GDA: variants seen among roughly 807,000 people sequenced by gnomAD.
GDA encodes the protein guanine deaminase.
A neutral mutation model predicts 59.6 loss-of-function variants in GDA; 18 were observed. The observed-to-expected ratio is 0.30, with a 90% CI of 0.21 to 0.45. The LOEUF (loss-of-function observed/expected upper bound fraction) is 0.45. Among genes scored for constraint, GDA ranks in the 20% least tolerant of loss-of-function variants. The pLI, the probability that GDA is intolerant of heterozygous loss-of-function variation, is 1.00. For missense variants in GDA, 427 were observed against 552.3 expected (o/e 0.77, Z 2.27); for synonymous variants, 201 against 201.1 (o/e 1.00, Z 0.00).
At chr9:72,187,052 A>T (rs1357716114) in intron 1 of GDA, among the ~76,000 whole-genome samples, 1 of 152,190 alleles carries the variant, frequency 6.6e-6, no homozygotes, top group African/African-American at 2.4e-5. Context: ...TATACACTTA[A>T]TGCATATTTT....
intron 9 of GDA, among the ~76,000 whole-genome samples, chr9:72,229,580 C>T (rs758036273): frequency 6.6e-6 from 1 of 152,050 alleles, no homozygotes; most frequent in Non-Finnish European, 1.5e-5. Flanking sequence ...TACCCAAATG[C>T]TTATGGGTTG....
chr9:72,196,101 T>C (rs1371950530), intron 2 of GDA, among the ~76,000 whole-genome samples: 1 of 152,138 alleles, frequency 6.6e-6, no homozygotes, highest in Non-Finnish European at 1.5e-5. Flanking sequence ...TGTGATATTA[T>C]ATTTCATCTA....
In GDA at chr9:72,125,450, A is replaced by G. The variant is rs12684494; in HGVS notation, c.-100+10617A>G. Among the ~76,000 whole-genome samples, 7 of 149,784 alleles carry G rather than the reference A, an allele frequency of 4.7e-5. No individual in the cohort carries two copies. The East Asian group carries it at 1.4e-3, about 30-fold the overall frequency. On this transcript the variant is annotated intron_variant, in intron 1 of 13. Transcript: ENST00000545168. ...GACACACTGCAACCTTGACCTCCCC[A>G]GGCTCAAGTGATCCTCCCGCCTCAG...
chr9:72,187,255 T>C (rs900511584), intron 1 of GDA, among the ~76,000 whole-genome samples: 1 of 152,198 alleles, frequency 6.6e-6, no homozygotes, highest in East Asian at 1.9e-4. Context: ...TGTAATACTA[T>C]TAAGAGGTGG....
intron 2 of GDA, among the ~76,000 whole-genome samples, chr9:72,198,862 A>T (rs7862462): frequency 0.012 from 1,109 of 91,326 alleles, 65 homozygotes; most frequent in African/African-American, 0.041. Context: ...TATATATATA[A>T]AATTTTTTTT....
intron 1 of GDA, among the ~76,000 whole-genome samples, chr9:72,125,104 C>T (rs773938674): frequency 6.6e-6 from 1 of 152,192 alleles, no homozygotes; most frequent in Non-Finnish European, 1.5e-5. Flanking sequence ...ATAAAGACTA[C>T]ATTTACCAGT....
Position 72,149,453 on chromosome 9 carries a change from A to G in GDA, c.-107A>G. ...GTAAGCGGGGGCAGGACAAGGCCGG[A>G]GCCTGTGTCCGCCCGGCAGCCGCCC... On this transcript the variant is annotated 5_prime_UTR_variant, in exon 1 of 14. Transcript: ENST00000358399. 1 of 1,359,300 alleles carries G rather than the reference A, an allele frequency of 7.4e-7. No individual in the cohort carries two copies. The highest frequency in any genetic ancestry group is 1.3e-5 in the South Asian group (1 of 75,042). The allele number at this position is 1,359,300 out of a possible 1,614,324, so 84.2% of individuals were successfully genotyped here.
In GDA at chr9:72,250,101, A is replaced by T; in HGVS notation, c.*1759A>T. The T allele has an allele frequency of 1.0e-6, 1 of 984,990 alleles. No individual in the cohort carries two copies. Among genetic ancestry groups the T allele is most frequent in the Non-Finnish European group, 1.2e-6 (1 of 829,552 alleles). 61.0% of individuals were successfully genotyped at this position (984,990 alleles called of 1,614,324 possible). On this transcript the variant is annotated 3_prime_UTR_variant, in exon 14 of 14. Coordinates refer to ENST00000358399, the MANE Select transcript of GDA (RefSeq NM_004293.5). ...TTCTAATTCCTGAGCCACGTCAAAG[A>T]TGCCTTGCCAAATTTCTCCCCATTT...
chr9:72,200,247 T>C (rs531004122), intron 2 of GDA, among the ~76,000 whole-genome samples: 44 of 152,080 alleles, frequency 2.9e-4, no homozygotes, highest in Middle Eastern at 3.4e-3. Context: ...CTGCCCGCCT[T>C]GGCCTCCCAA....
Position 72,249,316 on chromosome 9 carries a change from T to A in GDA, c.*974T>A, listed in dbSNP as rs531536360. The A allele has an allele frequency of 9.1e-6, 9 of 984,050 alleles. No individual in the cohort carries two copies. In the East Asian group the frequency reaches 1.0e-3, roughly 112 times the overall value. 61.0% of individuals were successfully genotyped at this position (984,050 alleles called of 1,614,324 possible). Reference sequence around the variant, plus strand: ...ATTCCACCCAAACAATATGTTGTAGTTTCTGGAAATTCCATACTCAGATAT... The same window carrying A: ...ATTCCACCCAAACAATATGTTGTAGATTCTGGAAATTCCATACTCAGATAT... On this transcript the variant is annotated 3_prime_UTR_variant, in exon 14 of 14. Transcript: ENST00000358399.
intron 1 of GDA, among the ~76,000 whole-genome samples, chr9:72,138,362 T>G (rs1587323369): frequency 6.6e-6 from 1 of 152,194 alleles, no homozygotes; most frequent in Non-Finnish European, 1.5e-5. Context: ...AAAGTGGTGG[T>G]GTTTGTCCAA....
intron 1 of GDA, among the ~76,000 whole-genome samples, chr9:72,121,489 C>T (rs192980726): frequency 3.7e-4 from 56 of 152,198 alleles, no homozygotes; most frequent in African/African-American, 1.3e-3. Flanking sequence ...CCCAGCTACT[C>T]GGGAGGCTGA....
At position 72,249,133 on chromosome 9, in the gene GDA, C is replaced by T. The variant is rs558921418; in HGVS notation, c.*791C>T. ...GTATTTTTGTGTACTTTAAAATCAACTTATAACTGTGAGATGTTATTGCTT... is the reference window on the plus strand; with the variant it reads ...GTATTTTTGTGTACTTTAAAATCAATTTATAACTGTGAGATGTTATTGCTT... On this transcript the variant is annotated 3_prime_UTR_variant, in exon 14 of 14. Coordinates refer to ENST00000358399, the MANE Select transcript of GDA (RefSeq NM_004293.5). 2 of 978,940 alleles carry T rather than the reference C, an allele frequency of 2.0e-6. No individual in the cohort carries two copies. The highest frequency in any genetic ancestry group is 2.4e-6 in the Non-Finnish European group (2 of 823,802). The allele number at this position is 978,940 out of a possible 1,614,324, so 60.6% of individuals were successfully genotyped here. A position where few individuals can be genotyped will look rare whatever the true frequency, so the allele number is the denominator to read the frequency against.
downstream of GDA, among the ~76,000 whole-genome samples, chr9:72,255,754 G>T (rs72727260): frequency 0.065 from 9,952 of 152,218 alleles, 454 homozygotes; most frequent in Admixed American, 0.13. Flanking sequence ...ACTCAGAAAC[G>T]TGGGGGTAAA....
chr9:72,246,726 G>A (rs529453677), intron 12 of GDA, among the ~76,000 whole-genome samples: 1 of 147,666 alleles, frequency 6.8e-6, no homozygotes, highest in South Asian at 2.2e-4. Flanking sequence ...TTGGGGTAAG[G>A]GGTAAGGGGA....
At chr9:72,160,729 A>G (rs1828513254) in intron 1 of GDA, among the ~76,000 whole-genome samples, 2 of 152,248 alleles carry the variant, frequency 1.3e-5, no homozygotes, top group African/African-American at 4.8e-5. Context: ...CTGGTTAAAA[A>G]AAATCTTTGT....
intron 1 of GDA, among the ~76,000 whole-genome samples, chr9:72,130,479 C>T (rs1825989058): frequency 6.6e-6 from 1 of 152,220 alleles, no homozygotes; most frequent in African/African-American, 2.4e-5. Context: ...TGAGTCTCAA[C>T]ATCTTGCTGA....
chr9:72,221,853 T>G (rs1836921435), intron 6 of GDA, among the ~76,000 whole-genome samples: 1 of 152,224 alleles, frequency 6.6e-6, no homozygotes, highest in Non-Finnish European at 1.5e-5. Context: ...AATAATGGCC[T>G]TCAGCTTCAT....
intron 6 of GDA, among the ~76,000 whole-genome samples, chr9:72,220,792 C>T (rs1836756474): frequency 6.6e-6 from 1 of 152,154 alleles, no homozygotes. Flanking sequence ...GTCCTATGCC[C>T]CTGCCACTGG....
Sources: allele counts gnomAD v4.1 joint callset (sites outside exome capture counted in the v4.1 genomes callset), GRCh38; gene constraint gnomAD v4.1.1; transcripts MANE v1.5; gene names NCBI Gene and HGNC (gene_info 2026-07-23, HGNC 2026-07-21).